The following ATXN1 variants were observed in gnomAD, a reference collection of about 807,000 sequenced individuals.
ATXN1 encodes ataxin-1.
A neutral mutation model predicts 56.4 loss-of-function variants in ATXN1; 8 were observed. The observed-to-expected ratio is 0.14, with a 90% CI of 0.08 to 0.26. ATXN1 has a LOEUF of 0.26. ATXN1 is among the 10% of genes least tolerant of loss of function. ATXN1 has a pLI of 1.00. For synonymous variants in ATXN1, 514 were observed against 494.6 expected (o/e 1.04, Z -0.52); for missense variants, 987 against 1,106.5 (o/e 0.89, Z 1.53).
intron 2 of ATXN1, among the ~76,000 whole-genome samples, chr6:16,716,875 T>C (rs561385467): frequency 6.6e-6 from 1 of 152,300 alleles, no homozygotes; most frequent in African/African-American, 2.4e-5. Context: ...TGCCATTCAG[T>C]TCACAGAGCT....
intron 2 of ATXN1, among the ~76,000 whole-genome samples, chr6:16,707,178 T>A (rs963256849): frequency 3.9e-5 from 6 of 152,330 alleles, no homozygotes; most frequent in African/African-American, 1.4e-4. Flanking sequence ...CTATTTTTTT[T>A]AATTACTATT....
intron 6 of ATXN1, among the ~76,000 whole-genome samples, chr6:16,458,576 C>CA (rs1759927135): frequency 6.6e-6 from 1 of 152,150 alleles, no homozygotes; most frequent in Admixed American, 6.5e-5. Context: ...CCAAGAGGAA[C>CA]AGGCAGAAAA....
intron 6 of ATXN1, among the ~76,000 whole-genome samples, chr6:16,484,365 C>A (rs1477800940): frequency 6.6e-6 from 1 of 152,120 alleles, no homozygotes; most frequent in African/African-American, 2.4e-5. Context: ...GCTTGGGAGG[C>A]AGAGGTTGCA....
intron 6 of ATXN1, among the ~76,000 whole-genome samples, chr6:16,467,494 C>T (rs1326998797): frequency 6.6e-6 from 1 of 152,110 alleles, no homozygotes; most frequent in East Asian, 1.9e-4. Flanking sequence ...GTGTGTGTTT[C>T]TTCGGGTGGG....
intron 6 of ATXN1, among the ~76,000 whole-genome samples, chr6:16,399,449 C>T (rs4431439): frequency 0.32 from 48,795 of 152,030 alleles, 8,166 homozygotes; most frequent in Admixed American, 0.39. Context: ...GTAATCAGGC[C>T]GTCAAATAAA....
intron 3 of ATXN1, among the ~76,000 whole-genome samples, chr6:16,607,984 A>T (rs1236173603): frequency 6.6e-6 from 1 of 152,222 alleles, no homozygotes; most frequent in African/African-American, 2.4e-5. Context: ...TAGTAAATGA[A>T]ACATTAAAGT....
At chr6:16,685,502 C>T (rs1370696701) in intron 2 of ATXN1, among the ~76,000 whole-genome samples, 8 of 152,150 alleles carry the variant, frequency 5.3e-5, no homozygotes, top group African/African-American at 1.9e-4. Context: ...CCACACCACA[C>T]GCACACAAAA....
At chr6:16,631,605 T>C (rs1484393676) in intron 3 of ATXN1, among the ~76,000 whole-genome samples, 1 of 152,228 alleles carries the variant, frequency 6.6e-6, no homozygotes, top group Non-Finnish European at 1.5e-5. Flanking sequence ...GATACCTGTC[T>C]TGCCACTCCT....
chr6:16,441,692 G>T (rs577666692), intron 6 of ATXN1, among the ~76,000 whole-genome samples: 2 of 152,238 alleles, frequency 1.3e-5, no homozygotes, highest in South Asian at 4.1e-4. Context: ...ACGTGGGAAA[G>T]AATTTGAAGA....
chr6:16,542,607 CA>C (rs2113718469), intron 4 of ATXN1, among the ~76,000 whole-genome samples: 1 of 152,280 alleles, frequency 6.6e-6, no homozygotes, highest in Admixed American at 6.5e-5. Flanking sequence ...GTGTTTGCAG[CA>C]GCCAAATACA....
At position 16,632,060 on chromosome 6, in the gene ATXN1, G is replaced by A. The variant is rs145687944; in HGVS notation, c.-489+25716C>T. ...AAAGCAATAATGCTTACTTCATGGGGTAGTGAGGAGGTTTAAATGAGAGGC... is the reference window on the plus strand; with the variant it reads ...AAAGCAATAATGCTTACTTCATGGGATAGTGAGGAGGTTTAAATGAGAGGC... On this transcript the variant is annotated intron_variant, in intron 3 of 7. Transcript: ENST00000436367. 7.9e-5 allele frequency among the ~76,000 whole-genome samples: 12 copies of A among 152,288 alleles called. 1 individual carries two copies. In the East Asian group the frequency reaches 2.3e-3, roughly 29 times the overall value.
At chr6:16,680,763 C>T (rs368617266) in intron 2 of ATXN1, among the ~76,000 whole-genome samples, 8 of 152,208 alleles carry the variant, frequency 5.3e-5, no homozygotes, top group Admixed American at 5.2e-4. Context: ...ACCATCAATA[C>T]GGGACATGGA....
chr6:16,685,726 G>A (rs943544746), intron 2 of ATXN1, among the ~76,000 whole-genome samples: 2 of 152,124 alleles, frequency 1.3e-5, no homozygotes, highest in East Asian at 3.8e-4. Flanking sequence ...GGGAGCAGAG[G>A]AACCAGTCAT....
chr6:16,575,098 G>A (rs928072486), intron 4 of ATXN1, among the ~76,000 whole-genome samples: 2 of 152,108 alleles, frequency 1.3e-5, no homozygotes, highest in Admixed American at 1.3e-4. Flanking sequence ...TATCACTGGT[G>A]ACATTAACCT....
chr6:16,426,575 G>A (rs957241147), intron 6 of ATXN1, among the ~76,000 whole-genome samples: 1 of 150,766 alleles, frequency 6.6e-6, no homozygotes, highest in Non-Finnish European at 1.5e-5. Context: ...GTGTGTGGTG[G>A]TGGGGCCGAG....
At chr6:16,469,975 G>A (rs58216803) in intron 6 of ATXN1, among the ~76,000 whole-genome samples, 184 of 141,828 alleles carry the variant, frequency 1.3e-3, no homozygotes, top group African/African-American at 4.3e-3. Flanking sequence ...AAAAAAAAAA[G>A]AAAAAGAGAG....
At chr6:16,496,036 A>G (rs1006480354) in intron 5 of ATXN1, among the ~76,000 whole-genome samples, 11 of 152,122 alleles carry the variant, frequency 7.2e-5, no homozygotes, top group South Asian at 4.1e-4. Context: ...AACAGCACTC[A>G]TTTTCTTTTT....
At chr6:16,606,533 T>A (rs6910569) in intron 3 of ATXN1, among the ~76,000 whole-genome samples, 5 of 142,344 alleles carry the variant, frequency 3.5e-5, no homozygotes, top group Non-Finnish European at 6.2e-5. Flanking sequence ...TTTTTTTTTT[T>A]ATTTTTATTT....
At chr6:16,708,818 G>A (rs1759463024) in intron 2 of ATXN1, among the ~76,000 whole-genome samples, 5 of 152,174 alleles carry the variant, frequency 3.3e-5, no homozygotes, top group Admixed American at 3.3e-4. Flanking sequence ...CTGAGGTCAG[G>A]AGTTCAAGAC....
Sources: gnomAD v4.1 joint callset for allele counts (sites outside exome capture counted in the v4.1 genomes callset) on GRCh38, gnomAD v4.1.1 for gene constraint, MANE v1.5 for transcripts, NCBI Gene and HGNC (gene_info 2026-07-23, HGNC 2026-07-21) for gene names.